R3HDM1: variants seen among roughly 807,000 people sequenced by gnomAD.
R3HDM1 encodes the protein R3H domain containing 1.
Under a neutral mutation model 141.1 loss-of-function variants are expected in R3HDM1, and 46 were observed. The ratio of observed to expected loss-of-function variants is 0.33; its 90% CI spans 0.26 to 0.42. R3HDM1 has a LOEUF of 0.42. Ranked by LOEUF, R3HDM1 falls within the 10% of genes least tolerant of loss-of-function variation. The pLI is 1.00. For missense variants in R3HDM1, 1,184 were observed against 1,368.3 expected, an observed-to-expected ratio of 0.87 and a Z score of 2.12; for synonymous variants, 435 against 472.9, an observed-to-expected ratio of 0.92 and a Z score of 1.04.
At chr2:135,640,884 T>C (rs2063723669) in intron 14 of R3HDM1, among the ~76,000 whole-genome samples, 1 of 152,196 alleles carries the variant, frequency 6.6e-6, no homozygotes, top group Admixed American at 6.5e-5. Flanking sequence ...GTTATCAAAT[T>C]AGTTCAGTAA....
In R3HDM1 at chr2:135,672,552, C is replaced by T. The variant is rs372063895; in HGVS notation, c.2153-2780C>T. On this transcript the variant is annotated intron_variant, in intron 19 of 26. Transcript: ENST00000683871. The stretch of plus-strand genomic sequence containing the variant: ...CTCTATTTATACTGCTATCCTCATA[C>T]GGTATGGTGGCTAAAACTGCCTAAT... Among the ~76,000 whole-genome samples the T allele has an allele frequency of 3.6e-4, 55 of 152,180 alleles. 1 individual carries two copies. Among genetic ancestry groups the T allele is most frequent in the East Asian group, 3.3e-3 (17 of 5,182 alleles).
At position 135,661,151 on chromosome 2, in the gene R3HDM1, A is replaced by T. The variant is rs543310465; in HGVS notation, c.2029-119A>T. 26 of 1,242,328 alleles carry T rather than the reference A, an allele frequency of 2.1e-5. No homozygotes were observed. The South Asian group carries it at 4.5e-4, about 22-fold the overall frequency. The allele number at this position is 1,242,328 out of a possible 1,614,324, so 77.0% of individuals were successfully genotyped here. The stretch of plus-strand genomic sequence containing the variant: ...ATTTCAGTTAAATTTAAGAAAAATC[A>T]GTTTTCCAATGATTAGTGCTAAAAA... On this transcript the variant is annotated intron_variant, in intron 18 of 26. Coordinates refer to ENST00000683871, the MANE Select transcript of R3HDM1 (RefSeq NM_001378107.1).
intron 16 of R3HDM1, among the ~76,000 whole-genome samples, chr2:135,646,877 C>G (rs1005234704): frequency 8.6e-6 from 1 of 116,632 alleles, no homozygotes; most frequent in Non-Finnish European, 1.6e-5. Context: ...AAGTGAGTAT[C>G]CCTTAAAAAA....
intron 1 of R3HDM1, chr2:135,533,954 AT>A: frequency 1.0e-6 from 1 of 974,574 alleles, no homozygotes; most frequent in South Asian, 4.8e-5. Context: ...TGCAATAAAT[AT>A]TAACTGTTAT....
At chr2:135,709,021 T>C (rs1326439584) in intron 21 of R3HDM1, among the ~76,000 whole-genome samples, 3 of 151,160 alleles carry the variant, frequency 2.0e-5, no homozygotes, top group African/African-American at 7.3e-5. Flanking sequence ...GGTTTCACAC[T>C]AATAGCCTTT....
intron 7 of R3HDM1, among the ~76,000 whole-genome samples, chr2:135,627,676 A>AT (rs1244809919): frequency 2.0e-5 from 3 of 152,092 alleles, no homozygotes; most frequent in Admixed American, 2.0e-4. Context: ...CTGAAGGTGG[A>AT]TTTTTTTAAG....
chr2:135,686,657 T>C (rs2071396943), intron 21 of R3HDM1, among the ~76,000 whole-genome samples: 1 of 152,178 alleles, frequency 6.6e-6, no homozygotes, highest in Admixed American at 6.5e-5. Flanking sequence ...GAAGATAACT[T>C]GAACCTGGGA....
intron 21 of R3HDM1, among the ~76,000 whole-genome samples, chr2:135,704,429 TC>T (rs2074618581): frequency 6.6e-6 from 1 of 152,140 alleles, no homozygotes. Context: ...TTTTCAGTTT[TC>T]AAAAAGCATT....
chr2:135,623,398 G>A (rs1419970196), intron 7 of R3HDM1, among the ~76,000 whole-genome samples: 5 of 152,032 alleles, frequency 3.3e-5, no homozygotes, highest in Admixed American at 6.6e-5. Context: ...GTTGACATAC[G>A]TTGAAATAAA....
chr2:135,565,647 TA>T (rs1702618707), intron 1 of R3HDM1: 1 of 152,114 alleles, frequency 6.6e-6, no homozygotes, highest in Non-Finnish European at 1.5e-5. Flanking sequence ...ATTAAAAATA[TA>T]ACTTGATAGT....
Position 135,670,265 on chromosome 2 carries a change from G to A in R3HDM1, c.2153-5067G>A, listed in dbSNP as rs1422070079. 5.2e-6 allele frequency: 5 copies of A among 953,142 alleles called. No homozygotes were observed. In the East Asian group the frequency reaches 4.6e-4, roughly 88 times the overall value. 59.0% of individuals were successfully genotyped at this position (953,142 alleles called of 1,614,324 possible). On this transcript the variant is annotated intron_variant, in intron 19 of 26. Coordinates refer to ENST00000683871, the MANE Select transcript of R3HDM1 (RefSeq NM_001378107.1). ...TATAATTTTAAATTATATTTTAAGT[G>A]AAAAGACAGGGATTTGGGGCCAAAT...
intron 21 of R3HDM1, among the ~76,000 whole-genome samples, chr2:135,687,053 G>T (rs1002422715): frequency 1.3e-5 from 2 of 152,094 alleles, no homozygotes; most frequent in African/African-American, 4.8e-5. Context: ...CAAAAAACTA[G>T]CCGGGCATGG....
At chr2:135,551,504 C>G (rs527891033) in intron 1 of R3HDM1, among the ~76,000 whole-genome samples, 25 of 151,944 alleles carry the variant, frequency 1.6e-4, no homozygotes, top group Admixed American at 8.5e-4. Context: ...AACAGTGCAA[C>G]AGTCATCTAG....
intron 1 of R3HDM1, chr2:135,534,083 A>T (rs1236323586): frequency 1.0e-6 from 1 of 955,268 alleles, no homozygotes. Context: ...ATAGTGACTT[A>T]AGCACAGTTT....
intron 1 of R3HDM1, among the ~76,000 whole-genome samples, chr2:135,564,167 A>C (rs1242098065): frequency 1.3e-5 from 2 of 152,206 alleles, no homozygotes; most frequent in African/African-American, 4.8e-5. Flanking sequence ...ACAAACATCC[A>C]AACTATATTA....
At chr2:135,543,980 A>G (rs1698168926) in intron 1 of R3HDM1, among the ~76,000 whole-genome samples, 3 of 152,264 alleles carry the variant, frequency 2.0e-5, no homozygotes, top group Admixed American at 2.0e-4. Flanking sequence ...TGAAATTCAC[A>G]GCTCTGCCTC....
intron 21 of R3HDM1, among the ~76,000 whole-genome samples, chr2:135,691,788 G>C (rs1041036487): frequency 1.3e-5 from 2 of 152,094 alleles, no homozygotes; most frequent in Non-Finnish European, 2.9e-5. Flanking sequence ...ACAAGACTCT[G>C]TCTCAAAAAT....
At chr2:135,566,758 T>C in intron 1 of R3HDM1, 3 of 985,306 alleles carry the variant, frequency 3.0e-6, no homozygotes, top group Non-Finnish European at 3.6e-6. Context: ...ATCAAAACTG[T>C]AAGCCCAGCG....
rs183335726 is a variant in R3HDM1 at position 135,560,845 on chromosome 2, A to G, written c.-250+29212A>G. Among the ~76,000 whole-genome samples the G allele has an allele frequency of 3.2e-4, 49 of 152,250 alleles. 1 individual carries two copies. The highest frequency in any genetic ancestry group is 9.2e-4 in the Admixed American group (14 of 15,290). On this transcript the variant is annotated intron_variant, in intron 1 of 26. Transcript: ENST00000683871. ...ACTGTCGTGGAGGCTGTATGTTAAG[A>G]TGGCAGAGCCACTTACAGAAAGAAG...
Sources: allele counts gnomAD v4.1 joint callset (sites outside exome capture counted in the v4.1 genomes callset), GRCh38; gene constraint gnomAD v4.1.1; transcripts MANE v1.5; gene names NCBI Gene and HGNC (gene_info 2026-07-23, HGNC 2026-07-21).